Variants in SLC9A9 observed in about 807,000 individuals in gnomAD.
SLC9A9 encodes solute carrier family 9 member A9.
In SLC9A9, 62 loss-of-function variants were observed where a neutral mutation model predicts 77.8. That is an observed-to-expected ratio of 0.80 (90% CI 0.65 to 0.98). The LOEUF is 0.98. SLC9A9 is among the 50% of genes least tolerant of loss of function. The probability of loss-of-function intolerance (pLI) is 0.00; values close to 1 mark genes in which losing one functional copy is unlikely to be tolerated. For synonymous variants in SLC9A9, 320 were observed against 283.5 expected (o/e 1.13, Z -1.29); for missense variants, 775 against 774.9 (o/e 1.00, Z 0.00).
intron 13 of SLC9A9, among the ~76,000 whole-genome samples, chr3:143,380,938 C>A (rs189467674): frequency 6.6e-6 from 1 of 152,176 alleles, no homozygotes; most frequent in South Asian, 2.1e-4. Flanking sequence ...AATACAAATA[C>A]GCTCATAACA....
intron 9 of SLC9A9, among the ~76,000 whole-genome samples, chr3:143,546,257 T>A (rs563980790): frequency 6.6e-6 from 1 of 152,364 alleles, no homozygotes; most frequent in East Asian, 1.9e-4. Context: ...TTTGCATTGC[T>A]GCTTTTCCAT....
chr3:143,759,967 C>A (rs186992475), intron 4 of SLC9A9, among the ~76,000 whole-genome samples: 1 of 152,036 alleles, frequency 6.6e-6, no homozygotes, highest in Non-Finnish European at 1.5e-5. Flanking sequence ...AAATCTCACA[C>A]GGTTTATTGT....
intron 13 of SLC9A9, among the ~76,000 whole-genome samples, chr3:143,376,707 AG>A (rs1179817801): frequency 6.6e-6 from 1 of 152,206 alleles, no homozygotes; most frequent in African/African-American, 2.4e-5. Flanking sequence ...TAGTAGGGGG[AG>A]GACATAATTT....
chr3:143,816,633 A>C (rs946673571), intron 2 of SLC9A9, among the ~76,000 whole-genome samples: 1 of 152,144 alleles, frequency 6.6e-6, no homozygotes, highest in African/African-American at 2.4e-5. Context: ...CTTGTACTTA[A>C]GTCTGTGTAT....
At chr3:143,309,885 T>C (rs1174863929) in intron 14 of SLC9A9, among the ~76,000 whole-genome samples, 1 of 152,232 alleles carries the variant, frequency 6.6e-6, no homozygotes, top group Non-Finnish European at 1.5e-5. Context: ...AAAAAGTCTC[T>C]GTCCCATGAA....
intron 8 of SLC9A9, among the ~76,000 whole-genome samples, chr3:143,553,442 A>G (rs575755444): frequency 6.6e-6 from 1 of 152,332 alleles, no homozygotes; most frequent in East Asian, 1.9e-4. Flanking sequence ...AGGGGATTGA[A>G]TTGAATTTTA....
Position 143,485,533 on chromosome 3 carries a change from A to C in SLC9A9, c.1315+8120T>G, listed in dbSNP as rs2035640599. 3.3e-5 allele frequency among the ~76,000 whole-genome samples: 5 copies of C among 152,182 alleles called. No individual in the cohort carries two copies. In the South Asian group the frequency reaches 1.0e-3, roughly 32 times the overall value. ...AGACCTGAGGAGACCTTATGTTTCT[A>C]TCTCAGGCTGATTCCCAGAACAGAG... On this transcript the variant is annotated intron_variant, in intron 11 of 15. Transcript: ENST00000316549.
At chr3:143,711,502 G>T (rs1934193177) in intron 4 of SLC9A9, among the ~76,000 whole-genome samples, 1 of 151,818 alleles carries the variant, frequency 6.6e-6, no homozygotes, top group African/African-American at 2.4e-5. Flanking sequence ...TGGGCTCAAG[G>T]TCTCCTGCTG....
At chr3:143,705,529 C>A (rs896198091) in intron 4 of SLC9A9, among the ~76,000 whole-genome samples, 16 of 152,162 alleles carry the variant, frequency 1.1e-4, no homozygotes, top group Admixed American at 4.6e-4. Flanking sequence ...GATTATTATG[C>A]ATTGCATGCC....
chr3:143,763,158 G>A (rs1291135053), intron 4 of SLC9A9, among the ~76,000 whole-genome samples: 4 of 152,116 alleles, frequency 2.6e-5, no homozygotes. Context: ...CTCTTACCCA[G>A]TGTGCAGCAC....
At position 143,380,584 on chromosome 3, in the gene SLC9A9, G is replaced by A. The variant is rs184223321; in HGVS notation, c.1524+1476C>T. On this transcript the variant is annotated intron_variant, in intron 13 of 15. Transcript: ENST00000316549. The stretch of plus-strand genomic sequence containing the variant: ...TATAGCCCACCAGTGTAAGGAGATG[G>A]GCTTTGATCTCCTTTCTAAGGTCAC... 1.2e-4 allele frequency among the ~76,000 whole-genome samples: 19 copies of A among 152,254 alleles called. No homozygotes were observed. The East Asian group carries it at 3.5e-3, about 28-fold the overall frequency.
intron 12 of SLC9A9, among the ~76,000 whole-genome samples, chr3:143,388,782 A>C (rs1395841332): frequency 1.3e-5 from 2 of 152,252 alleles, no homozygotes; most frequent in African/African-American, 4.8e-5. Context: ...CTAATGGGAA[A>C]AACAAATCGG....
chr3:143,280,757 T>C lies in SLC9A9; in HGVS notation c.1605-11777A>G, dbSNP rs562167247. On this transcript the variant is annotated intron_variant, in intron 14 of 15. Transcript: ENST00000316549. ...TAGTAGAGACAGGGTTTCACTATGT[T>C]GGACAGGCTGGTCTCGAACTCCTGA... Among the ~76,000 whole-genome samples, 348 of 152,256 alleles carry C rather than the reference T, an allele frequency of 2.3e-3. 3 individuals carry two copies. Among genetic ancestry groups the C allele is most frequent in the African/African-American group, 7.9e-3 (329 of 41,550 alleles).
intron 9 of SLC9A9, 77 bp downstream of exon 9, chr3:143,552,285 G>A: frequency 9.7e-7 from 1 of 1,035,530 alleles, no homozygotes. Flanking sequence ...AACTCTTTCT[G>A]ACTATACTGC....
chr3:143,556,744 C>T (rs974459793), intron 8 of SLC9A9, among the ~76,000 whole-genome samples: 2 of 152,180 alleles, frequency 1.3e-5, no homozygotes, highest in Non-Finnish European at 2.9e-5. Flanking sequence ...ATAGCCAGAT[C>T]GTTTTCTTTT....
rs184585475 is a variant in SLC9A9 at position 143,552,765 on chromosome 3, C to T, written c.1001-315G>A. 4.7e-3 allele frequency among the ~76,000 whole-genome samples: 717 copies of T among 152,318 alleles called. 2 individuals are homozygous for T. The highest frequency in any genetic ancestry group is 0.01 in the Middle Eastern group (3 of 294). ...TATATTTGAAAACATGAACAAAAGA[C>T]TCCATAGCCAACCCTGGGTTTTTCA... On this transcript the variant is annotated intron_variant, in intron 8 of 15. Coordinates refer to ENST00000316549, the MANE Select transcript of SLC9A9 (RefSeq NM_173653.4).
At chr3:143,478,340 G>A (rs2035517121) in intron 11 of SLC9A9, among the ~76,000 whole-genome samples, 1 of 152,210 alleles carries the variant, frequency 6.6e-6, no homozygotes, top group Non-Finnish European at 1.5e-5. Context: ...TCCTCTAAAA[G>A]GAGGGGAAGC....
At chr3:143,530,056 A>G (rs2036477576) in intron 9 of SLC9A9, among the ~76,000 whole-genome samples, 1 of 152,182 alleles carries the variant, frequency 6.6e-6, no homozygotes, top group South Asian at 2.1e-4. Context: ...TGGCTTGTTG[A>G]AGCTATTGAC....
chr3:143,509,788 T>G (rs748327447), intron 9 of SLC9A9, among the ~76,000 whole-genome samples: 1 of 152,198 alleles, frequency 6.6e-6, no homozygotes, highest in African/African-American at 2.4e-5. Context: ...GCAAAAAAAT[T>G]ATATACATAT....
Sources: allele counts gnomAD v4.1 joint callset (sites outside exome capture counted in the v4.1 genomes callset), GRCh38; gene constraint gnomAD v4.1.1; transcripts MANE v1.5; gene names NCBI Gene and HGNC (gene_info 2026-07-23, HGNC 2026-07-21).